The following STRN variants were observed in gnomAD, a reference collection of about 807,000 sequenced individuals.
The protein encoded by STRN is striatin.
A neutral mutation model predicts 96.3 loss-of-function variants in STRN; 53 were observed. The ratio of observed to expected loss-of-function variants is 0.55; its 90% CI spans 0.44 to 0.69. STRN has a LOEUF of 0.69. Among genes scored for constraint, STRN ranks in the 30% least tolerant of loss-of-function variants. The pLI is 0.00. For synonymous variants in STRN, 428 were observed against 355.9 expected, an observed-to-expected ratio of 1.20 and a Z score of -2.28; for missense variants, 987 against 963.9, an observed-to-expected ratio of 1.02 and a Z score of -0.32.
intron 7 of STRN, among the ~76,000 whole-genome samples, chr2:36,887,048 C>G (rs1251893846): frequency 0.028 from 189 of 6,844 alleles, 2 homozygotes; most frequent in East Asian, 0.04. Context: ...GAAAGACACA[C>G]ACACACACAC....
intron 2 of STRN, 135 bp from the exon 3 acceptor site, chr2:36,916,286 G>A (rs1670096423): frequency 1.4e-6 from 1 of 709,218 alleles, no homozygotes; most frequent in African/African-American, 1.8e-5. Flanking sequence ...GCTTTCCATG[G>A]TGTCAAAGTT....
intron 8 of STRN, among the ~76,000 whole-genome samples, chr2:36,886,493 T>C (rs1247078076): frequency 6.6e-5 from 10 of 152,206 alleles, no homozygotes; most frequent in Admixed American, 6.5e-4. Context: ...ATTATTGGGA[T>C]ATAGTATACA....
At chr2:36,924,927 A>T (rs1232806231) in intron 2 of STRN, among the ~76,000 whole-genome samples, 178 bp downstream of exon 2, 1 of 152,172 alleles carries the variant, frequency 6.6e-6, no homozygotes, top group East Asian at 1.9e-4. Context: ...GTGGTGGCAC[A>T]TGCCTATAAT....
rs960429278 is a variant in STRN at position 36,844,326 on chromosome 2, A to T, written c.*5130T>A. On this transcript the variant is annotated 3_prime_UTR_variant, in exon 18 of 18. Coordinates refer to ENST00000263918, the MANE Select transcript of STRN (RefSeq NM_003162.4). ...TAGACCAAAGACTTTCTGATTGCTG[A>T]TAATAACAAATTTAGCAGCTCTCTA... is the stretch of plus-strand genomic sequence containing the variant. 6.6e-6 allele frequency: 1 copy of T among 152,106 alleles called. No homozygotes were observed. Among genetic ancestry groups the T allele is most frequent in the African/African-American group, 2.4e-5 (1 of 41,434 alleles). 9.4% of individuals were successfully genotyped at this position (152,106 alleles called of 1,614,324 possible).
At chr2:36,926,212 A>C (rs1301006995) in intron 1 of STRN, among the ~76,000 whole-genome samples, 5 of 152,228 alleles carry the variant, frequency 3.3e-5, no homozygotes, top group Admixed American at 2.0e-4. Context: ...GAGGGGTAGG[A>C]AAGAGTAGCT....
chr2:36,928,977 A>C (rs1450355265), intron 1 of STRN, among the ~76,000 whole-genome samples: 1 of 151,910 alleles, frequency 6.6e-6, no homozygotes, highest in Non-Finnish European at 1.5e-5. Context: ...TGACATGAAT[A>C]AAATGTTTAA....
At position 36,956,146 on chromosome 2, in the gene STRN, A is replaced by G. The variant is rs1403680238; in HGVS notation, c.234+10084T>C. Among the ~76,000 whole-genome samples, 3 of 152,328 alleles carry G rather than the reference A, an allele frequency of 2.0e-5. No individual in the cohort carries two copies. The East Asian group carries it at 5.8e-4, about 29-fold the overall frequency. On this transcript the variant is annotated intron_variant, in intron 1 of 17. Transcript: ENST00000263918. ...AAAGAGAATGTAAGTAGCTACTATGATAAACGGATCACTGAAACTGGTTCT... is the reference window on the plus strand; with the variant it reads ...AAAGAGAATGTAAGTAGCTACTATGGTAAACGGATCACTGAAACTGGTTCT...
At chr2:36,917,608 T>C (rs1387390859) in intron 2 of STRN, among the ~76,000 whole-genome samples, 1 of 148,650 alleles carries the variant, frequency 6.7e-6, no homozygotes, top group Admixed American at 6.7e-5. Context: ...ATGTGTAAAA[T>C]ACTGAAATCT....
intron 1 of STRN, among the ~76,000 whole-genome samples, chr2:36,945,768 T>C (rs1248309477): frequency 2.6e-5 from 4 of 152,222 alleles, no homozygotes; most frequent in Non-Finnish European, 1.5e-5. Context: ...TTGATTTCAT[T>C]AGTTAGTTAA....
At chr2:36,938,267 A>C (rs1670755728) in intron 1 of STRN, among the ~76,000 whole-genome samples, 1 of 152,074 alleles carries the variant, frequency 6.6e-6, no homozygotes, top group Admixed American at 6.6e-5. Flanking sequence ...CTCTACTAAA[A>C]GCACAAAAAT....
chr2:36,916,619 T>A (rs1670106811), intron 2 of STRN, among the ~76,000 whole-genome samples: 1 of 152,166 alleles, frequency 6.6e-6, no homozygotes, highest in African/African-American at 2.4e-5. Flanking sequence ...TAATCATGAT[T>A]TGCCAAATAT....
At chr2:36,914,811 C>T (rs1670048092) in intron 3 of STRN, among the ~76,000 whole-genome samples, 1 of 152,052 alleles carries the variant, frequency 6.6e-6, no homozygotes, top group Non-Finnish European at 1.5e-5. Context: ...CAAGTTTTTC[C>T]ACTTCTCTGA....
intron 1 of STRN, among the ~76,000 whole-genome samples, chr2:36,930,928 C>A (rs1266365229): frequency 1.3e-5 from 2 of 151,878 alleles, no homozygotes; most frequent in African/African-American, 4.8e-5. Context: ...CCCAGCTACT[C>A]TGGCTCAGGC....
intron 10 of STRN, among the ~76,000 whole-genome samples, chr2:36,874,238 T>A (rs1271018659): frequency 6.3e-4 from 93 of 148,128 alleles, no homozygotes; most frequent in African/African-American, 2.3e-3. Flanking sequence ...CACTACAGCC[T>A]GGGCGACAAA....
At chr2:36,933,045 A>ATT (rs56808546) in intron 1 of STRN, among the ~76,000 whole-genome samples, 1 of 141,714 alleles carries the variant, frequency 7.1e-6, no homozygotes, top group Non-Finnish European at 1.5e-5. Flanking sequence ...TAGAAATTCC[A>ATT]TTTTTTTTTA....
intron 1 of STRN, among the ~76,000 whole-genome samples, chr2:36,933,088 A>AC (rs1232979088): frequency 7.0e-6 from 1 of 142,938 alleles, no homozygotes; most frequent in African/African-American, 2.6e-5. Context: ...ACACACACAT[A>AC]TATATGCAGT....
At chr2:36,916,174 C>T (rs780721515) in intron 2 of STRN, 23 bp from the exon 3 acceptor site, 22 of 1,582,020 alleles carry the variant, frequency 1.4e-5, no homozygotes, top group South Asian at 4.4e-5. Context: ...TGAGAAAATA[C>T]AGACCATCTT....
chr2:36,869,742 C>T lies in STRN; in HGVS notation c.1324-13G>A. 6.4e-7 allele frequency: 1 copy of T among 1,557,166 alleles called. No individual in the cohort carries two copies. The highest frequency in any genetic ancestry group is 8.7e-7 in the Non-Finnish European group (1 of 1,152,190). ...TATTGTTTGCTATCTATTAAAGAAA[C>T]AAAACAAAGATATCTACACACTTAG... On this transcript the variant is annotated splice_polypyrimidine_tract_variant and intron_variant, in intron 10 of 17. Coordinates refer to ENST00000263918, the MANE Select transcript of STRN (RefSeq NM_003162.4).
At chr2:36,928,867 G>A (rs1572682005) in intron 1 of STRN, among the ~76,000 whole-genome samples, 1 of 137,978 alleles carries the variant, frequency 7.2e-6, no homozygotes, top group African/African-American at 2.7e-5. Flanking sequence ...AGAATTGCTT[G>A]AACCCAGGAG....
Sources: gnomAD v4.1 joint callset for allele counts (sites outside exome capture counted in the v4.1 genomes callset) on GRCh38, gnomAD v4.1.1 for gene constraint, MANE v1.5 for transcripts, NCBI Gene and HGNC (gene_info 2026-07-23, HGNC 2026-07-21) for gene names.